The following POT1 variants were observed in gnomAD, a reference collection of about 807,000 sequenced individuals.
POT1 encodes the protein protection of telomeres 1.
In POT1, 47 loss-of-function variants were observed where a neutral mutation model predicts 78.5. The observed-to-expected ratio is 0.60, with a 90% CI of 0.47 to 0.76. The LOEUF (loss-of-function observed/expected upper bound fraction) is 0.76, where lower values mean the gene tolerates loss of function less well. Ranked by LOEUF, POT1 falls within the 30% of genes least tolerant of loss-of-function variation. The pLI is 0.00. For synonymous variants in POT1, 259 were observed against 260.7 expected, an observed-to-expected ratio of 0.99 and a Z score of 0.06; for missense variants, 646 against 749.9, an observed-to-expected ratio of 0.86 and a Z score of 1.62.
intron 11 of POT1, among the ~76,000 whole-genome samples, chr7:124,850,443 T>C (rs1302508734): frequency 6.6e-6 from 1 of 152,168 alleles, no homozygotes; most frequent in African/African-American, 2.4e-5. Context: ...TAAATAATAA[T>C]GCGGACGGGC....
At chr7:124,867,742 G>A (rs1246802681) in intron 7 of POT1, among the ~76,000 whole-genome samples, 2 of 152,090 alleles carry the variant, frequency 1.3e-5, no homozygotes, top group Non-Finnish European at 1.5e-5. Context: ...TGCCTCCCGG[G>A]TTCAAGCAAT....
At chr7:124,824,132 G>A in intron 18 of POT1, 58 bp from the exon 19 acceptor site, 1 of 1,062,098 alleles carries the variant, frequency 9.4e-7, no homozygotes, top group Non-Finnish European at 1.4e-6. Context: ...AAATAACTCT[G>A]AAATAGGTAC....
chr7:124,854,623 AAGG>A (rs1795398409), intron 9 of POT1, among the ~76,000 whole-genome samples: 1 of 151,900 alleles, frequency 6.6e-6, no homozygotes, highest in African/African-American at 2.4e-5. Flanking sequence ...CCAACCAATC[AAGG>A]GTTTTATAAG....
Position 124,849,119 on chromosome 7 carries a change from A to C in POT1, c.950-2121T>G, listed in dbSNP as rs200276855. On this transcript the variant is annotated intron_variant, in intron 11 of 18. Transcript: ENST00000357628. ...AAACATATCCTCAATATTGCTAATA[A>C]GTGGTATAAAAATCCAAGTCAAGAG... 4.6e-5 allele frequency among the ~76,000 whole-genome samples: 7 copies of C among 152,168 alleles called. No homozygotes were observed. In the East Asian group the frequency reaches 1.3e-3, roughly 29 times the overall value.
intron 6 of POT1, among the ~76,000 whole-genome samples, chr7:124,874,199 T>C (rs1795935217): frequency 6.6e-6 from 1 of 152,088 alleles, no homozygotes; most frequent in African/African-American, 2.4e-5. Context: ...ACTAGAATAA[T>C]TTCCTCCTCA....
intron 6 of POT1, among the ~76,000 whole-genome samples, chr7:124,872,915 TGTG>T (rs1298357516): frequency 1.3e-5 from 2 of 152,226 alleles, no homozygotes; most frequent in African/African-American, 4.8e-5. Context: ...GATATCTTGT[TGTG>T]GTTTTAATGA....
Position 124,870,980 on chromosome 7 carries a change from A to G in POT1, c.186T>C (p.Phe62=), listed in dbSNP as rs1376049205. The change falls in exon 7 of 19, where the codon TTT becomes TTC. Residue 62 remains phenylalanine (F), a synonymous_variant. Transcript: ENST00000357628. ...TTGGAAGGGCTTCATAGTTTCCACT[A>G]AAGAGCAGGCAAGTTAGTTTTACAT... ...QTNVKLTCLL[F]SGNYEALPII... is the part of the protein sequence containing the mutation. The G allele has an allele frequency of 8.1e-6, 13 of 1,610,760 alleles. No individual in the cohort carries two copies. Among genetic ancestry groups the G allele is most frequent in the South Asian group, 4.4e-5 (4 of 90,800 alleles).
intron 6 of POT1, among the ~76,000 whole-genome samples, chr7:124,880,436 T>C (rs993737068): frequency 4.6e-5 from 7 of 152,120 alleles, no homozygotes; most frequent in Non-Finnish European, 7.4e-5. Flanking sequence ...TTAATGTTAA[T>C]GTTAGTTTAA....
At chr7:124,845,726 T>C (rs1303476263) in intron 12 of POT1, among the ~76,000 whole-genome samples, 1 of 152,172 alleles carries the variant, frequency 6.6e-6, no homozygotes, top group Non-Finnish European at 1.5e-5. Context: ...CTTTTTTTTT[T>C]CTAATTTCAT....
At chr7:124,918,671 T>C (rs528575272) in intron 2 of POT1, among the ~76,000 whole-genome samples, 1 of 152,148 alleles carries the variant, frequency 6.6e-6, no homozygotes, top group East Asian at 1.9e-4. Context: ...TAAAGGACAC[T>C]GAGAGACTTC....
rs1350023478 is a variant in POT1 at position 124,928,901 on chromosome 7, G to C, written c.-313C>G. 1 of 152,528 alleles carries C rather than the reference G, an allele frequency of 6.6e-6. No individual in the cohort carries two copies. The highest frequency in any genetic ancestry group is 1.5e-5 in the Non-Finnish European group (1 of 68,020). 9.4% of individuals were successfully genotyped at this position (152,528 alleles called of 1,614,324 possible). On this transcript the variant is annotated 5_prime_UTR_variant, in exon 2 of 19. Coordinates refer to ENST00000357628, the MANE Select transcript of POT1 (RefSeq NM_015450.3). ...AATTTACTCAGCGGCTGAACTTCAG[G>C]CACCCCATTGACTTCCTTTATTAAT...
chr7:124,885,538 A>G (rs1276631183), intron 6 of POT1, among the ~76,000 whole-genome samples: 1 of 152,002 alleles, frequency 6.6e-6, no homozygotes, highest in African/African-American at 2.4e-5. Context: ...AGGCCAAGGC[A>G]GGTGGATCAT....
intron 17 of POT1, among the ~76,000 whole-genome samples, chr7:124,826,513 C>T (rs1293391854): frequency 6.6e-6 from 1 of 152,104 alleles, no homozygotes; most frequent in Non-Finnish European, 1.5e-5. Context: ...AAACTTTATA[C>T]AATAATATCT....
At chr7:124,891,136 T>G (rs1796361247) in intron 6 of POT1, among the ~76,000 whole-genome samples, 1 of 151,790 alleles carries the variant, frequency 6.6e-6, no homozygotes, top group African/African-American at 2.4e-5. Context: ...CTACTATAAT[T>G]GTGTTGCTGT....
intron 6 of POT1, among the ~76,000 whole-genome samples, chr7:124,874,657 C>A (rs990588393): frequency 1.3e-5 from 2 of 151,352 alleles, no homozygotes; most frequent in Admixed American, 6.6e-5. Flanking sequence ...ATCGCTTGAG[C>A]CTGGGAAGTG....
chr7:124,863,036 A>T (rs1795635095), intron 8 of POT1, among the ~76,000 whole-genome samples: 1 of 152,190 alleles, frequency 6.6e-6, no homozygotes, highest in Non-Finnish European at 1.5e-5. Flanking sequence ...ATTCATGTAT[A>T]GGACTACAAA....
chr7:124,848,241 T>TA (rs548791605), intron 11 of POT1, among the ~76,000 whole-genome samples: 91 of 152,316 alleles, frequency 6.0e-4, no homozygotes, highest in Middle Eastern at 3.4e-3. Flanking sequence ...CTGCTAATTT[T>TA]ACCTCAAAAA....
At chr7:124,850,811 A>G (rs1795288509) in intron 11 of POT1, among the ~76,000 whole-genome samples, 1 of 152,110 alleles carries the variant, frequency 6.6e-6, no homozygotes, top group South Asian at 2.1e-4. Flanking sequence ...CCTACCAAGA[A>G]ATGTGTGTTA....
intron 10 of POT1, 135 bp from the exon 11 acceptor site, chr7:124,852,086 G>A: frequency 1.7e-6 from 1 of 584,248 alleles, no homozygotes; most frequent in Non-Finnish European, 3.0e-6. Flanking sequence ...TTCAGTAAAG[G>A]ATCTATTGCT....
Sources: gnomAD v4.1 joint callset for allele counts (sites outside exome capture counted in the v4.1 genomes callset) on GRCh38, gnomAD v4.1.1 for gene constraint, MANE v1.5 for transcripts, NCBI Gene and HGNC (gene_info 2026-07-23, HGNC 2026-07-21) for gene names.